PHF24: variants seen among roughly 807,000 people sequenced by gnomAD.
PHF24 encodes the protein PHD finger protein 24.
PHF24 carries 25 observed loss-of-function variants against 42.6 expected under a neutral mutation model. The ratio of observed to expected loss-of-function variants is 0.59; its 90% CI spans 0.43 to 0.82. The LOEUF (loss-of-function observed/expected upper bound fraction) is 0.82, where lower values mean the gene tolerates loss of function less well. Among genes scored for constraint, PHF24 ranks in the 40% least tolerant of loss-of-function variants. The pLI is 0.00. For missense variants in PHF24, 470 were observed against 538.1 expected, an observed-to-expected ratio of 0.87 and a Z score of 1.25; for synonymous variants, 185 against 204.8, an observed-to-expected ratio of 0.90 and a Z score of 0.83.
At chr9:34,690,955 A>T in the PHF24 span, 1 of 714,804 alleles carries the variant, frequency 1.4e-6, no homozygotes, top group Non-Finnish European at 2.3e-6. Flanking sequence ...TGCCAGGCTC[A>T]CCGAAATATA....
At chr9:34,677,579 G>A in the PHF24 span, among the ~76,000 whole-genome samples, 9 of 151,834 alleles carry the variant, frequency 5.9e-5, no homozygotes, top group African/African-American at 2.2e-4. Context: ...TGTATTTTTA[G>A]TAGAGACGGG....
At chr9:34,835,787 G>T in the PHF24 span, 6 of 1,549,272 alleles carry the variant, frequency 3.9e-6, no homozygotes, top group Non-Finnish European at 5.2e-6. Context: ...AATTGTGACA[G>T]TGTTGGGTTT....
chr9:34,944,124 T>G, the PHF24 span, among the ~76,000 whole-genome samples: 31 of 152,350 alleles, frequency 2.0e-4, no homozygotes, highest in African/African-American at 7.0e-4. Context: ...GGCCATCACT[T>G]TCTTCAAGTC....
chr9:34,703,513 C>T, the PHF24 span, among the ~76,000 whole-genome samples: 1 of 151,684 alleles, frequency 6.6e-6, no homozygotes. Context: ...AGAAAGAACC[C>T]GACAGTTGTT....
the PHF24 span, among the ~76,000 whole-genome samples, chr9:34,710,561 G>A: frequency 6.7e-6 from 1 of 148,426 alleles, no homozygotes; most frequent in Non-Finnish European, 1.5e-5. Context: ...TCCGCCTCCT[G>A]GGCTCGAGTG....
At chr9:34,913,691 G>A in the PHF24 span, among the ~76,000 whole-genome samples, 6 of 152,036 alleles carry the variant, frequency 3.9e-5, no homozygotes, top group Admixed American at 1.3e-4. Flanking sequence ...TGGATTTTGC[G>A]GTAGAAAAGA....
chr9:34,944,605 C>CATCT, the PHF24 span, among the ~76,000 whole-genome samples: 1 of 152,212 alleles, frequency 6.6e-6, no homozygotes, highest in East Asian at 1.9e-4. Flanking sequence ...TTACAGCCAA[C>CATCT]ATCTTCAAAG....
the PHF24 span, among the ~76,000 whole-genome samples, chr9:34,829,395 A>G: frequency 6.6e-6 from 1 of 152,188 alleles, no homozygotes; most frequent in Admixed American, 6.5e-5. Flanking sequence ...CTATGAGACT[A>G]TCTACCTCAT....
chr9:34,743,783 G>T, the PHF24 span, among the ~76,000 whole-genome samples: 5 of 152,100 alleles, frequency 3.3e-5, no homozygotes, highest in African/African-American at 1.2e-4. Flanking sequence ...GTCTGTTTTT[G>T]CTGCTGTAAC....
chr9:34,844,107 T>C, the PHF24 span, among the ~76,000 whole-genome samples: 1 of 152,188 alleles, frequency 6.6e-6, no homozygotes, highest in African/African-American at 2.4e-5. Flanking sequence ...TAGGCTCTTA[T>C]GATCATTTGT....
the PHF24 span, chr9:34,892,579 G>A: frequency 4.6e-6 from 2 of 432,046 alleles, no homozygotes; most frequent in Non-Finnish European, 8.1e-6. Context: ...AAGGAATGTA[G>A]GGTCATAGGC....
At chr9:34,682,650 C>A in the PHF24 span, among the ~76,000 whole-genome samples, 1 of 152,112 alleles carries the variant, frequency 6.6e-6, no homozygotes, top group Non-Finnish European at 1.5e-5. Flanking sequence ...TTATATTACT[C>A]TTGGTTACTG....
the PHF24 span, among the ~76,000 whole-genome samples, chr9:34,923,599 C>T: frequency 6.8e-4 from 104 of 152,112 alleles, no homozygotes; most frequent in Middle Eastern, 3.4e-3. Flanking sequence ...CTAGGTTTTT[C>T]AATTTATTGG....
the PHF24 span, among the ~76,000 whole-genome samples, chr9:34,740,917 C>T: frequency 2.0e-5 from 3 of 151,580 alleles, no homozygotes; most frequent in Non-Finnish European, 4.4e-5. Context: ...TGGAGTTCCA[C>T]TCTTGTCGCC....
At chr9:34,740,620 T>A in the PHF24 span, among the ~76,000 whole-genome samples, 9 of 152,154 alleles carry the variant, frequency 5.9e-5, no homozygotes, top group African/African-American at 1.9e-4. Context: ...CGCCTCTCCC[T>A]CCACACCTCC....
chr9:34,739,683 C>T, the PHF24 span, among the ~76,000 whole-genome samples: 2 of 152,070 alleles, frequency 1.3e-5, no homozygotes, highest in South Asian at 2.1e-4. Context: ...TGTTACAGCT[C>T]ATAAAGGCAG....
At chr9:34,745,295 G>T in the PHF24 span, among the ~76,000 whole-genome samples, 1 of 152,154 alleles carries the variant, frequency 6.6e-6, no homozygotes, top group Non-Finnish European at 1.5e-5. Context: ...GCCAAGCTTG[G>T]TGAGCCATGG....
chr9:34,970,097 G>A (rs1826921282), intron 1 of PHF24, among the ~76,000 whole-genome samples: 3 of 152,176 alleles, frequency 2.0e-5, no homozygotes, highest in Admixed American at 2.0e-4. Context: ...AATAAGCCTT[G>A]ATTAGAATGG....
the PHF24 span, chr9:34,922,622 A>AG: frequency 9.9e-7 from 1 of 1,005,714 alleles, no homozygotes; most frequent in Non-Finnish European, 1.6e-6. Flanking sequence ...CTTTTCCAAA[A>AG]GGGACAGTAC....
Sources: gnomAD v4.1 joint callset for allele counts (sites outside exome capture counted in the v4.1 genomes callset) on GRCh38, gnomAD v4.1.1 for gene constraint, MANE v1.5 for transcripts, NCBI Gene and HGNC (gene_info 2026-07-23, HGNC 2026-07-21) for gene names.